The following ST3GAL1 variants were observed in gnomAD, a reference collection of about 807,000 sequenced individuals.
ST3GAL1 encodes ST3 beta-galactoside alpha-2,3-sialyltransferase 1.
A neutral mutation model predicts 34.1 loss-of-function variants in ST3GAL1; 16 were observed. That is an observed-to-expected ratio of 0.47 (90% CI 0.32 to 0.71). The LOEUF (loss-of-function observed/expected upper bound fraction) is 0.71, where lower values mean the gene tolerates loss of function less well. ST3GAL1 is among the 30% of genes least tolerant of loss of function. ST3GAL1 has a pLI of 0.04. For missense variants in ST3GAL1, 353 were observed against 447.4 expected (o/e 0.79, Z 1.90); for synonymous variants, 191 against 184.7 (o/e 1.03, Z -0.28).
At chr8:133,474,208 C>T (rs533646059) in intron 5 of ST3GAL1, among the ~76,000 whole-genome samples, 6 of 152,294 alleles carry the variant, frequency 3.9e-5, no homozygotes, top group East Asian at 3.9e-4. Flanking sequence ...AAGCCTTCTG[C>T]GATAACCCCA....
intron 5 of ST3GAL1, among the ~76,000 whole-genome samples, chr8:133,471,335 G>A (rs577416730): frequency 5.3e-4 from 38 of 72,310 alleles, no homozygotes; most frequent in African/African-American, 2.4e-3. Flanking sequence ...CGTGTGGGGT[G>A]GACAGGTGGG....
At chr8:133,532,183 AT>A (rs1366436032) in intron 2 of ST3GAL1, among the ~76,000 whole-genome samples, 1 of 152,112 alleles carries the variant, frequency 6.6e-6, no homozygotes, top group Non-Finnish European at 1.5e-5. Flanking sequence ...TGAAAATGTC[AT>A]TTATGGGATG....
intron 1 of ST3GAL1, among the ~76,000 whole-genome samples, chr8:133,564,216 T>G (rs768316479): frequency 6.6e-6 from 1 of 152,206 alleles, no homozygotes. Context: ...GGTATGATCA[T>G]GAAGTTCTCT....
chr8:133,562,860 T>C (rs1819287493), intron 1 of ST3GAL1, among the ~76,000 whole-genome samples: 1 of 140,606 alleles, frequency 7.1e-6, no homozygotes, highest in African/African-American at 3.1e-5. Context: ...CTTTTTTTTT[T>C]TTTTTTTCCC....
chr8:133,484,757 G>A (rs1458934473), intron 3 of ST3GAL1, among the ~76,000 whole-genome samples: 1 of 152,028 alleles, frequency 6.6e-6, no homozygotes, highest in Non-Finnish European at 1.5e-5. Flanking sequence ...AGCCTTGCTG[G>A]GCTTTAAAAA....
intron 2 of ST3GAL1, among the ~76,000 whole-genome samples, chr8:133,527,680 C>G (rs1056728386): frequency 1.3e-5 from 2 of 152,170 alleles, no homozygotes; most frequent in Non-Finnish European, 1.5e-5. Flanking sequence ...CACGGGAGAA[C>G]TATATGCCAG....
intron 2 of ST3GAL1, among the ~76,000 whole-genome samples, chr8:133,516,705 G>A (rs774840649): frequency 2.0e-5 from 3 of 152,162 alleles, no homozygotes; most frequent in Non-Finnish European, 2.9e-5. Flanking sequence ...TATAAAAGTG[G>A]CCAGCCCAAT....
rs1815781431 is a variant in ST3GAL1, at chr8:133,467,326, T to C, written c.307-1236A>G. On this transcript the variant is annotated intron_variant, in intron 5 of 9. Transcript: ENST00000522652. The surrounding 1 kb of genome is among the most constrained non-coding windows in gnomAD (Gnocchi z 4.2). ...CCGCCCGTCACCTCAGGTGGAGCTC[T>C]GGCCACACTATGTAGTGATGCCTGT... is the stretch of plus-strand genomic sequence containing the variant. Among the ~76,000 whole-genome samples the C allele has an allele frequency of 6.6e-6, 1 of 152,216 alleles. No individual in the cohort carries two copies. The highest frequency in any genetic ancestry group is 1.5e-5 in the Non-Finnish European group (1 of 68,032).
chr8:133,535,880 TA>T (rs1818297515), intron 2 of ST3GAL1, among the ~76,000 whole-genome samples: 3 of 152,244 alleles, frequency 2.0e-5, no homozygotes, highest in African/African-American at 7.2e-5. Context: ...TACAGTATAG[TA>T]TAAATACAAC....
chr8:133,493,917 C>G (rs569438722), intron 3 of ST3GAL1, among the ~76,000 whole-genome samples: 4 of 151,844 alleles, frequency 2.6e-5, no homozygotes, highest in African/African-American at 9.7e-5. Flanking sequence ...GGTTCTGACT[C>G]TTTTCACCTT....
At chr8:133,495,815 G>A (rs1816929722) in intron 3 of ST3GAL1, among the ~76,000 whole-genome samples, 1 of 152,222 alleles carries the variant, frequency 6.6e-6, no homozygotes, top group East Asian at 1.9e-4. Context: ...GTGAAGGGGA[G>A]CAGACACAAA....
At chr8:133,553,341 T>A (rs1216160999) in intron 1 of ST3GAL1, among the ~76,000 whole-genome samples, 1 of 152,198 alleles carries the variant, frequency 6.6e-6, no homozygotes, top group African/African-American at 2.4e-5. Context: ...CAGCTCCTGT[T>A]TCACCAGCCT....
chr8:133,533,884 T>A (rs1818227659), intron 2 of ST3GAL1, among the ~76,000 whole-genome samples: 1 of 152,196 alleles, frequency 6.6e-6, no homozygotes, highest in African/African-American at 2.4e-5. Flanking sequence ...GATGATGACA[T>A]ACGTTAATAT....
At chr8:133,533,018 T>C (rs548685098) in intron 2 of ST3GAL1, among the ~76,000 whole-genome samples, 9 of 152,192 alleles carry the variant, frequency 5.9e-5, no homozygotes, top group Admixed American at 1.3e-4. Context: ...ATAAATTAAT[T>C]AGTCTTTCTT....
rs138710207 is a variant in ST3GAL1 at position 133,487,893 on chromosome 8, G to A, written c.-374+11242C>T. ...TGAGGCAGGAGAATTGCTTGAACCCGGGAGGCAGAGGTTGCAGTGAGCCGA... is the reference window on the plus strand; with the variant it reads ...TGAGGCAGGAGAATTGCTTGAACCCAGGAGGCAGAGGTTGCAGTGAGCCGA... On this transcript the variant is annotated intron_variant, in intron 3 of 9. Coordinates refer to ENST00000522652, the MANE Select transcript of ST3GAL1 (RefSeq NM_173344.3). Among the ~76,000 whole-genome samples, 5 of 151,520 alleles carry A rather than the reference G, an allele frequency of 3.3e-5. 1 individual carries two copies. Among genetic ancestry groups the A allele is most frequent in the South Asian group, 2.1e-4 (1 of 4,756 alleles).
At chr8:133,485,581 C>T (rs746312855) in intron 3 of ST3GAL1, among the ~76,000 whole-genome samples, 3 of 152,160 alleles carry the variant, frequency 2.0e-5, no homozygotes, top group Non-Finnish European at 4.4e-5. Context: ...AGCTCAGAAA[C>T]GGGAAGTGAC....
Position 133,556,291 on chromosome 8 carries a change from C to T in ST3GAL1, c.-581-10365G>A, listed in dbSNP as rs886517841. Among the ~76,000 whole-genome samples, 9 of 152,202 alleles carry T rather than the reference C, an allele frequency of 5.9e-5. No individual in the cohort carries two copies. Among genetic ancestry groups the T allele is most frequent in the African/African-American group, 1.9e-4 (8 of 41,442 alleles). ...TAACACTAAGCTCGGACGTGGAAGT[C>T]ACTTGCCCCAGATCTCACCACTGAT... is the stretch of plus-strand genomic sequence containing the variant. On this transcript the variant is annotated intron_variant, in intron 1 of 9. Transcript: ENST00000522652. This position sits in a 1 kb window ranked among gnomAD's most constrained non-coding sequence, Gnocchi z 8.9.
intron 1 of ST3GAL1, among the ~76,000 whole-genome samples, chr8:133,561,607 T>A (rs1819224324): frequency 6.6e-6 from 1 of 152,216 alleles, no homozygotes; most frequent in Non-Finnish European, 1.5e-5. Flanking sequence ...ATCAGCTGAC[T>A]CTAGGATCTA....
intron 1 of ST3GAL1, among the ~76,000 whole-genome samples, chr8:133,548,633 A>G (rs918329566): frequency 1.3e-5 from 2 of 152,184 alleles, no homozygotes; most frequent in African/African-American, 4.8e-5. Context: ...TCTTGGACAC[A>G]CCACCTTCCA....
Sources: gnomAD v4.1 joint callset for allele counts (sites outside exome capture counted in the v4.1 genomes callset) on GRCh38, gnomAD v4.1.1 for gene constraint, Gnocchi (gnomAD v3.1) non-coding constraint, MANE v1.5 for transcripts, NCBI Gene and HGNC (gene_info 2026-07-23, HGNC 2026-07-21) for gene names.